The following STX8 variants were observed in gnomAD, a reference collection of about 807,000 sequenced individuals.
STX8 encodes syntaxin 8.
STX8 carries 23 observed loss-of-function variants against 37.5 expected under a neutral mutation model. The observed-to-expected ratio is 0.61, with a 90% CI of 0.44 to 0.87. The LOEUF is 0.87. STX8 is among the 40% of genes least tolerant of loss of function. The pLI is 0.00. For missense variants in STX8, 313 were observed against 284.7 expected, an observed-to-expected ratio of 1.10 and a Z score of -0.71; for synonymous variants, 115 against 99.1, an observed-to-expected ratio of 1.16 and a Z score of -0.95.
intron 3 of STX8, chr17:9,557,200 C>G: frequency 2.2e-6 from 1 of 445,724 alleles, no homozygotes; most frequent in South Asian, 2.1e-5. Flanking sequence ...CTGAACTGTA[C>G]AGGTTATACC....
chr17:9,376,780 C>A (rs867619984), intron 7 of STX8, among the ~76,000 whole-genome samples: 47 of 152,306 alleles, frequency 3.1e-4, no homozygotes, highest in African/African-American at 1.1e-3. Flanking sequence ...CCGGACACAC[C>A]ATCTTCAAGA....
chr17:9,353,213 A>G (rs534565756), intron 7 of STX8, among the ~76,000 whole-genome samples: 2 of 152,300 alleles, frequency 1.3e-5, no homozygotes, highest in South Asian at 2.1e-4. Context: ...GGGAGTCCCT[A>G]TAAGTCAGCT....
In STX8 at chr17:9,261,082, C is replaced by T. The variant is rs1222312590; in HGVS notation, c.644-10437G>A. Among the ~76,000 whole-genome samples the T allele has an allele frequency of 1.1e-4, 17 of 152,260 alleles. No individual in the cohort carries two copies. In the South Asian group the frequency reaches 2.1e-3, roughly 19 times the overall value. On this transcript the variant is annotated intron_variant, in intron 7 of 7. Transcript: ENST00000306357. ...TAAAAGGAATGAAGACTGCAGGTGA[C>T]GGGGCAGAGAGCTGGACGGCAGCCT...
intron 6 of STX8, among the ~76,000 whole-genome samples, chr17:9,453,810 A>C (rs1332674032): frequency 1.3e-5 from 2 of 151,972 alleles, no homozygotes; most frequent in African/African-American, 4.8e-5. Context: ...TTTCTTATGG[A>C]GGATTTTTAA....
chr17:9,509,401 G>GAA (rs147670415), intron 4 of STX8, among the ~76,000 whole-genome samples: 5 of 148,300 alleles, frequency 3.4e-5, no homozygotes, highest in African/African-American at 1.2e-4. Flanking sequence ...AGTACTAAAA[G>GAA]AAAAAAAAAA....
intron 2 of STX8, among the ~76,000 whole-genome samples, chr17:9,565,923 C>G (rs1907441230): frequency 1.3e-5 from 2 of 152,254 alleles, no homozygotes; most frequent in Middle Eastern, 3.4e-3. Context: ...ACAAAGACAT[C>G]AAAAGCAATT....
intron 7 of STX8, among the ~76,000 whole-genome samples, chr17:9,295,962 G>A (rs562231963): frequency 5.3e-5 from 8 of 151,754 alleles, no homozygotes; most frequent in Admixed American, 2.6e-4. Context: ...AGGCCAAGGC[G>A]GGCGGATCAC....
rs539601987 is a variant in STX8 at position 9,575,811 on chromosome 17, T to C, written c.-3A>G. On this transcript the variant is annotated 5_prime_UTR_variant, in exon 1 of 8. Transcript: ENST00000306357. The stretch of plus-strand genomic sequence containing the variant: ...ACTCACCAGGGGTCCGGTGCCATCC[T>C]GCAGACTCCGCCCGCCGCTCGGACT... 6.4e-5 allele frequency: 99 copies of C among 1,540,236 alleles called. 1 individual carries two copies. The South Asian group carries it at 1.0e-3, about 16-fold the overall frequency.
At chr17:9,489,125 C>T (rs1906738020) in intron 6 of STX8, among the ~76,000 whole-genome samples, 1 of 152,208 alleles carries the variant, frequency 6.6e-6, no homozygotes, top group Non-Finnish European at 1.5e-5. Flanking sequence ...GATCCATCCA[C>T]CTCGGCCTCC....
At position 9,453,397 on chromosome 17, in the gene STX8, A is replaced by T. The variant is rs1262556207; in HGVS notation, c.541+38432T>A. On this transcript the variant is annotated intron_variant, in intron 6 of 7. Transcript: ENST00000306357. ...CTAATTGTGGGACAGATGGTGAAGG[A>T]TACCTACCATATTCAGATCTGAATT... 3.3e-5 allele frequency among the ~76,000 whole-genome samples: 5 copies of T among 151,986 alleles called. 1 individual carries two copies. The South Asian group carries it at 1.0e-3, about 32-fold the overall frequency.
chr17:9,564,526 T>G (rs774670342), intron 2 of STX8, among the ~76,000 whole-genome samples: 27 of 152,000 alleles, frequency 1.8e-4, no homozygotes, highest in Non-Finnish European at 3.1e-4. Flanking sequence ...GGATACAAAA[T>G]CAAAGTGCAA....
chr17:9,498,147 G>A (rs1328109611), intron 5 of STX8, among the ~76,000 whole-genome samples: 4 of 16,220 alleles, frequency 2.5e-4, no homozygotes, highest in Non-Finnish European at 7.0e-4. Context: ...TAGCACTTTG[G>A]GAGCCTGAGG....
intron 6 of STX8, among the ~76,000 whole-genome samples, chr17:9,448,047 C>T (rs184834648): frequency 2.8e-4 from 42 of 151,734 alleles, no homozygotes; most frequent in African/African-American, 8.9e-4. Context: ...TGGCGGTGTG[C>T]GCCTGTAGTC....
intron 6 of STX8, among the ~76,000 whole-genome samples, chr17:9,445,938 C>T (rs1019527301): frequency 8.6e-5 from 13 of 150,636 alleles, no homozygotes; most frequent in South Asian, 2.1e-4. Flanking sequence ...CCCGGGTTCA[C>T]GCCATTCCCG....
At chr17:9,255,290 G>A (rs1906745923) in intron 7 of STX8, among the ~76,000 whole-genome samples, 1 of 124,642 alleles carries the variant, frequency 8.0e-6, no homozygotes, top group African/African-American at 2.7e-5. Flanking sequence ...ACTTTGGGAG[G>A]CCAAGGCGGG....
chr17:9,461,759 A>T (rs1042622012), intron 6 of STX8, among the ~76,000 whole-genome samples: 7 of 152,042 alleles, frequency 4.6e-5, no homozygotes, highest in Non-Finnish European at 7.4e-5. Context: ...TTATTATTAT[A>T]ATATATAATG....
At chr17:9,288,146 A>C (rs1350662368) in intron 7 of STX8, among the ~76,000 whole-genome samples, 4 of 70,956 alleles carry the variant, frequency 5.6e-5, no homozygotes, top group Non-Finnish European at 1.0e-4. Context: ...CAAACAAAAA[A>C]AAAAAAAACC....
intron 7 of STX8, among the ~76,000 whole-genome samples, chr17:9,344,982 C>A (rs1172241197): frequency 1.3e-5 from 2 of 152,102 alleles, no homozygotes; most frequent in Non-Finnish European, 2.9e-5. Context: ...AAAGTTTACA[C>A]AAAATCATCG....
intron 6 of STX8, among the ~76,000 whole-genome samples, chr17:9,487,403 G>C (rs1296156333): frequency 6.6e-6 from 1 of 152,018 alleles, no homozygotes. Flanking sequence ...TCCAGATGGG[G>C]CTGCAGCCCC....
Sources: gnomAD v4.1 joint callset for allele counts (sites outside exome capture counted in the v4.1 genomes callset) on GRCh38, gnomAD v4.1.1 for gene constraint, MANE v1.5 for transcripts, NCBI Gene and HGNC (gene_info 2026-07-23, HGNC 2026-07-21) for gene names.